SKAP1: variants seen among roughly 807,000 people sequenced by gnomAD.
The protein encoded by SKAP1 is src kinase-associated phosphoprotein 1.
A neutral mutation model predicts 58.5 loss-of-function variants in SKAP1; 44 were observed. The ratio of observed to expected loss-of-function variants is 0.75; its 90% confidence interval spans 0.59 to 0.97. SKAP1 has a LOEUF of 0.97. Ranked by LOEUF, SKAP1 falls within the 50% of genes least tolerant of loss-of-function variation. The pLI is 0.00. For synonymous variants in SKAP1, 127 were observed against 149.7 expected, an observed-to-expected ratio of 0.85 and a Z score of 1.11; for missense variants, 390 against 435.2, an observed-to-expected ratio of 0.90 and a Z score of 0.92.
chr17:48,179,284 G>A (rs1201173747), intron 9 of SKAP1, among the ~76,000 whole-genome samples: 1 of 152,200 alleles, frequency 6.6e-6, no homozygotes, highest in Non-Finnish European at 1.5e-5. Flanking sequence ...TAGCGTTCCT[G>A]TGGTCTAACT....
At chr17:48,188,784 A>C (rs2064494522) in intron 5 of SKAP1, among the ~76,000 whole-genome samples, 1 of 152,194 alleles carries the variant, frequency 6.6e-6, no homozygotes, top group Non-Finnish European at 1.5e-5. Flanking sequence ...AGATCACTTG[A>C]GGCCAGGAAT....
chr17:48,211,239 T>A (rs2064868557), intron 4 of SKAP1, among the ~76,000 whole-genome samples: 1 of 152,148 alleles, frequency 6.6e-6, no homozygotes, highest in Non-Finnish European at 1.5e-5. Context: ...CCCAGGAGTT[T>A]GAGACCAGGC....
In SKAP1 at chr17:48,276,574, TA is replaced by T. The variant is rs149229967; in HGVS notation, c.280+69330del. Among the ~76,000 whole-genome samples the T allele has an allele frequency of 4.5e-3, 679 of 152,334 alleles. 5 individuals are homozygous for T. The highest frequency in any genetic ancestry group is 0.015 in the African/African-American group (642 of 41,584). On this transcript the variant is annotated intron_variant, in intron 4 of 12. Coordinates refer to ENST00000336915, the MANE Select transcript of SKAP1 (RefSeq NM_003726.4). ...ATGCTGCTATAATGATGAGGTCTCT[TA>T]ACTTGTGGTTTACATTTTTTCAGCT...
chr17:48,374,935 G>A (rs761298689), intron 2 of SKAP1, among the ~76,000 whole-genome samples: 1 of 152,158 alleles, frequency 6.6e-6, no homozygotes, highest in Non-Finnish European at 1.5e-5. Flanking sequence ...GAAGGTCTTT[G>A]GTGGAAGAGC....
At chr17:48,430,355 A>G (rs1338036303), upstream of SKAP1, 2 of 241,580 alleles carry the variant, frequency 8.3e-6, no homozygotes, top group African/African-American at 2.3e-5. Context: ...CTCACGCCGG[A>G]GCCCCACGGT....
the SKAP1 span, among the ~76,000 whole-genome samples, chr17:48,437,837 T>A: frequency 6.6e-6 from 1 of 151,838 alleles, no homozygotes; most frequent in Non-Finnish European, 1.5e-5. Flanking sequence ...CTTCGACCCT[T>A]CCTCACTCAT....
intron 2 of SKAP1, among the ~76,000 whole-genome samples, chr17:48,381,770 T>C (rs913084349): frequency 3.9e-5 from 6 of 152,184 alleles, no homozygotes; most frequent in Non-Finnish European, 8.8e-5. Flanking sequence ...ACAAGGTAAG[T>C]GTATTGTATA....
intron 4 of SKAP1, among the ~76,000 whole-genome samples, chr17:48,228,155 G>A (rs959762867): frequency 2.6e-5 from 4 of 152,050 alleles, no homozygotes; most frequent in South Asian, 2.1e-4. Context: ...AGATGTGGGG[G>A]TGGGGTAGGG....
chr17:48,377,203 A>G (rs1281151520), intron 2 of SKAP1: 1 of 152,212 alleles, frequency 6.6e-6, no homozygotes, highest in Non-Finnish European at 1.5e-5. Flanking sequence ...AAAATTAAGG[A>G]AAAAGGTTGC....
intron 4 of SKAP1, among the ~76,000 whole-genome samples, chr17:48,300,850 A>G (rs2066047585): frequency 6.6e-6 from 1 of 152,154 alleles, no homozygotes; most frequent in East Asian, 1.9e-4. Context: ...CTCTTAGTAA[A>G]TGGCTTTGCC....
intron 4 of SKAP1, among the ~76,000 whole-genome samples, chr17:48,282,771 G>C (rs1037876440): frequency 2.6e-5 from 4 of 151,208 alleles, no homozygotes; most frequent in African/African-American, 9.7e-5. Context: ...AGCAAGATCT[G>C]GTCTCAAAAA....
At chr17:48,418,691 C>A (rs2067760047) in intron 1 of SKAP1, among the ~76,000 whole-genome samples, 1 of 152,114 alleles carries the variant, frequency 6.6e-6, no homozygotes. Context: ...AAACTGAAAA[C>A]AATTCATTGT....
chr17:48,216,137 G>A (rs1172936733), intron 4 of SKAP1, among the ~76,000 whole-genome samples: 2 of 152,162 alleles, frequency 1.3e-5, no homozygotes, highest in Admixed American at 6.5e-5. Context: ...ACCTGCAGAG[G>A]GAAGCTTAGC....
chr17:48,438,245 G>T, the SKAP1 span, among the ~76,000 whole-genome samples: 4 of 152,188 alleles, frequency 2.6e-5, no homozygotes, highest in Non-Finnish European at 5.9e-5. Flanking sequence ...CAAGGTTGTT[G>T]TGAAGATCCA....
rs941760059 is a variant in SKAP1, at chr17:48,239,267, A to G, written c.281-49767T>C. On this transcript the variant is annotated intron_variant, in intron 4 of 12. Coordinates refer to ENST00000336915, the MANE Select transcript of SKAP1 (RefSeq NM_003726.4). ...ATTTCGACTTGACAATCTGCCCTTC[A>G]GTATCTCAGACCCAGGCTGAGGGCA... Among the ~76,000 whole-genome samples the G allele has an allele frequency of 5.3e-5, 8 of 152,212 alleles. No homozygotes were observed. In the East Asian group the frequency reaches 5.8e-4, roughly 11 times the overall value.
At chr17:48,420,188 T>G (rs1395038391) in intron 1 of SKAP1, among the ~76,000 whole-genome samples, 2 of 152,192 alleles carry the variant, frequency 1.3e-5, no homozygotes, top group African/African-American at 4.8e-5. Flanking sequence ...ATGAAAAAAT[T>G]AGATCTATGA....
At chr17:48,423,594 T>C (rs2067820742) in intron 1 of SKAP1, among the ~76,000 whole-genome samples, 2 of 152,172 alleles carry the variant, frequency 1.3e-5, no homozygotes, top group Non-Finnish European at 1.5e-5. Context: ...TTTTTTTTTG[T>C]ATTTAATTTA....
At chr17:48,150,102 G>T (rs953766583) in intron 11 of SKAP1, among the ~76,000 whole-genome samples, 5 of 152,210 alleles carry the variant, frequency 3.3e-5, no homozygotes, top group African/African-American at 1.2e-4. Context: ...TATGTGACCT[G>T]TGAAAGGGGC....
At chr17:48,357,936 A>G (rs955760651) in intron 3 of SKAP1, among the ~76,000 whole-genome samples, 6 of 152,206 alleles carry the variant, frequency 3.9e-5, no homozygotes, top group Non-Finnish European at 7.4e-5. Context: ...GTTGATGTTA[A>G]AAGGTTGAGT....
Sources: allele counts gnomAD v4.1 joint callset (sites outside exome capture counted in the v4.1 genomes callset), GRCh38; gene constraint gnomAD v4.1.1; transcripts MANE v1.5; gene names NCBI Gene and HGNC (gene_info 2026-07-23, HGNC 2026-07-21).